CNTLN: variants seen among roughly 807,000 people sequenced by gnomAD.
CNTLN encodes the protein centlein, also known as centlein, centrosomal protein.
A neutral mutation model predicts 180.0 loss-of-function variants in CNTLN; 212 were observed. The ratio of observed to expected loss-of-function variants is 1.18; its 90% CI spans 1.05 to 1.32. The LOEUF (loss-of-function observed/expected upper bound fraction) is 1.32. CNTLN is among the 40% of genes most tolerant of loss of function. CNTLN has a pLI of 0.00. For missense variants in CNTLN, 2,095 were observed against 1,610.9 expected (o/e 1.30, Z -5.14); for synonymous variants, 722 against 563.1 (o/e 1.28, Z -3.99).
chr9:17,353,477 A>G (rs1162695891), intron 12 of CNTLN, among the ~76,000 whole-genome samples: 1 of 151,772 alleles, frequency 6.6e-6, no homozygotes, highest in African/African-American at 2.4e-5. Flanking sequence ...GATGCTGACC[A>G]TATTTGCATG....
intron 2 of CNTLN, among the ~76,000 whole-genome samples, chr9:17,192,175 A>T (rs1471416603): frequency 6.6e-6 from 1 of 151,912 alleles, no homozygotes; most frequent in African/African-American, 2.4e-5. Flanking sequence ...GGCCATACAC[A>T]GTTCTTAGTG....
At chr9:17,386,258 A>G (rs1269677975) in intron 13 of CNTLN, among the ~76,000 whole-genome samples, 1 of 152,050 alleles carries the variant, frequency 6.6e-6, no homozygotes, top group Admixed American at 6.5e-5. Context: ...AAGAAAAAAT[A>G]TAGAAAATAG....
intron 8 of CNTLN, among the ~76,000 whole-genome samples, chr9:17,328,559 G>T (rs559111827): frequency 6.6e-6 from 1 of 152,136 alleles, no homozygotes; most frequent in Non-Finnish European, 1.5e-5. Flanking sequence ...TTTATTAGGA[G>T]AAATGTAAAA....
the CNTLN span, among the ~76,000 whole-genome samples, chr9:17,519,601 G>T: frequency 2.0e-5 from 3 of 152,130 alleles, no homozygotes; most frequent in African/African-American, 7.2e-5. Context: ...AGGACTGAGG[G>T]CTCAAAGCTT....
chr9:17,485,117 T>G (rs910754338), intron 24 of CNTLN, among the ~76,000 whole-genome samples: 1 of 152,136 alleles, frequency 6.6e-6, no homozygotes, highest in Non-Finnish European at 1.5e-5. Context: ...CCACGCAGTC[T>G]TTTGCGAAAC....
chr9:17,352,416 A>ATATATT (rs1469636947), intron 12 of CNTLN, among the ~76,000 whole-genome samples: 2 of 31,304 alleles, frequency 6.4e-5, no homozygotes, highest in African/African-American at 2.4e-4. Context: ...ATATATATAT[A>ATATATT]TTTTTTTTTT....
At chr9:17,480,155 C>T (rs1230460503) in intron 23 of CNTLN, among the ~76,000 whole-genome samples, 1 of 152,062 alleles carries the variant, frequency 6.6e-6, no homozygotes, top group Non-Finnish European at 1.5e-5. Context: ...TACACCACTG[C>T]ATTTCAGCCC....
chr9:17,386,072 C>G (rs1244491226), intron 13 of CNTLN, among the ~76,000 whole-genome samples: 1 of 151,906 alleles, frequency 6.6e-6, no homozygotes, highest in Non-Finnish European at 1.5e-5. Context: ...GATATAATCA[C>G]AAACTGACCT....
chr9:17,313,230 G>T (rs976499245), intron 8 of CNTLN, among the ~76,000 whole-genome samples: 14 of 151,952 alleles, frequency 9.2e-5, no homozygotes, highest in African/African-American at 3.4e-4. Flanking sequence ...TATATATTCG[G>T]ATCCTGTTGT....
At chr9:17,283,408 T>C (rs1230196271) in intron 6 of CNTLN, among the ~76,000 whole-genome samples, 1 of 152,114 alleles carries the variant, frequency 6.6e-6, no homozygotes, top group African/African-American at 2.4e-5. Flanking sequence ...TGTCTATTGT[T>C]AGTGTATGGG....
intron 1 of CNTLN, among the ~76,000 whole-genome samples, chr9:17,139,958 A>G (rs549752399): frequency 1.3e-5 from 2 of 152,238 alleles, no homozygotes; most frequent in African/African-American, 4.8e-5. Flanking sequence ...CCATTTGTCC[A>G]TCTCAGCCTT....
chr9:17,332,073 C>T (rs190825418), intron 9 of CNTLN, among the ~76,000 whole-genome samples: 9 of 152,084 alleles, frequency 5.9e-5, no homozygotes, highest in Admixed American at 1.3e-4. Flanking sequence ...ATAATATAAA[C>T]GTATTCTTGT....
intron 19 of CNTLN, among the ~76,000 whole-genome samples, chr9:17,462,158 G>A (rs1831491645): frequency 6.6e-6 from 1 of 151,658 alleles, no homozygotes; most frequent in African/African-American, 2.4e-5. Context: ...AGATTTTGTG[G>A]GTTGACTGGG....
intron 10 of CNTLN, among the ~76,000 whole-genome samples, chr9:17,339,680 G>C (rs1466188525): frequency 6.6e-6 from 1 of 152,146 alleles, no homozygotes; most frequent in African/African-American, 2.4e-5. Context: ...ATGAATAACA[G>C]TTATTAAAAT....
chr9:17,188,875 CT>C lies in CNTLN; in HGVS notation c.450-37320del, dbSNP rs200779530. Among the ~76,000 whole-genome samples, 30 of 151,658 alleles carry C rather than the reference CT, an allele frequency of 2.0e-4. No individual in the cohort carries two copies. The South Asian group carries it at 4.6e-3, about 23-fold the overall frequency. ...TTAATTTCATTATCTGAGTCATTGACTTTTTTTTCCCTCCAGATTATGGATT... is the reference window on the plus strand; with the variant it reads ...TTAATTTCATTATCTGAGTCATTGACTTTTTTTCCCTCCAGATTATGGATT... On this transcript the variant is annotated intron_variant, in intron 2 of 25. Transcript: ENST00000380647.
chr9:17,347,476 C>G (rs187907808), intron 12 of CNTLN, among the ~76,000 whole-genome samples: 20 of 152,174 alleles, frequency 1.3e-4, no homozygotes, highest in African/African-American at 4.3e-4. Flanking sequence ...CGAGACCAGC[C>G]TGGACAACAT....
chr9:17,415,018 G>A (rs558567982), intron 16 of CNTLN, among the ~76,000 whole-genome samples: 30 of 152,098 alleles, frequency 2.0e-4, no homozygotes, highest in South Asian at 2.1e-4. Context: ...CCTGGGAGGC[G>A]GAGGTTGCGG....
At chr9:17,382,273 C>T (rs1021610400) in intron 13 of CNTLN, among the ~76,000 whole-genome samples, 1 of 152,120 alleles carries the variant, frequency 6.6e-6, no homozygotes, top group African/African-American at 2.4e-5. Flanking sequence ...AGCTGGGCAG[C>T]ATACAATTTA....
At chr9:17,141,023 A>G (rs1646868033) in intron 1 of CNTLN, among the ~76,000 whole-genome samples, 1 of 152,204 alleles carries the variant, frequency 6.6e-6, no homozygotes, top group South Asian at 2.1e-4. Flanking sequence ...ATAAGCAGCA[A>G]CAGACTGGGA....
Sources: gnomAD v4.1 joint callset for allele counts (sites outside exome capture counted in the v4.1 genomes callset) on GRCh38, gnomAD v4.1.1 for gene constraint, MANE v1.5 for transcripts, NCBI Gene and HGNC (gene_info 2026-07-23, HGNC 2026-07-21) for gene names.